Variants in NPC1 observed in about 807,000 individuals in gnomAD.
NPC1 encodes Niemann-Pick C1 protein.
Under a neutral mutation model 140.4 loss-of-function variants are expected in NPC1, and 85 were observed. That is an observed-to-expected ratio of 0.61 (90% CI 0.51 to 0.72). The LOEUF is 0.72. Among genes scored for constraint, NPC1 ranks in the 30% least tolerant of loss-of-function variants. The probability of loss-of-function intolerance (pLI) is 0.00; values close to 1 mark genes in which losing one functional copy is unlikely to be tolerated. For synonymous variants in NPC1, 656 were observed against 624.8 expected (o/e 1.05, Z -0.74); for missense variants, 1,504 against 1,623.8 (o/e 0.93, Z 1.27).
intron 21 of NPC1, among the ~76,000 whole-genome samples, 176 bp downstream of exon 21, chr18:23,536,497 A>G (rs1415426016): frequency 6.6e-6 from 1 of 152,142 alleles, no homozygotes; most frequent in Non-Finnish European, 1.5e-5. Context: ...GAGACTTTAG[A>G]TTCTGAACTC....
At chr18:23,517,083 A>AT (rs1206212740) in intron 3 of NPC1, among the ~76,000 whole-genome samples, 5 of 152,068 alleles carry the variant, frequency 3.3e-5, no homozygotes, top group Admixed American at 6.6e-5. Context: ...AAGAAAATAG[A>AT]TTAAGATTTT....
chr18:23,574,723 T>C (rs1019254877), intron 1 of NPC1, among the ~76,000 whole-genome samples: 1 of 152,248 alleles, frequency 6.6e-6, no homozygotes, highest in Non-Finnish European at 1.5e-5. Context: ...TAACTCCTCT[T>C]GACTCTTTGA....
At chr18:23,523,342 T>C (rs549562257) in intron 1 of NPC1, among the ~76,000 whole-genome samples, 1 of 152,042 alleles carries the variant, frequency 6.6e-6, no homozygotes, top group East Asian at 1.9e-4. Flanking sequence ...ATGTGAGGTT[T>C]TGGGGGTCTG....
intron 4 of NPC1, among the ~76,000 whole-genome samples, chr18:23,564,956 C>T (rs1333947284): frequency 6.6e-6 from 1 of 152,174 alleles, no homozygotes; most frequent in Non-Finnish European, 1.5e-5. Context: ...TTGAATGGCC[C>T]TGGCACCCTT....
intron 3 of NPC1, among the ~76,000 whole-genome samples, chr18:23,516,829 G>A (rs2058020687): frequency 6.7e-6 from 1 of 150,336 alleles, no homozygotes; most frequent in African/African-American, 2.4e-5. Context: ...AGGCTCAAAC[G>A]ATTCTTCTGC....
rs751365149 is a variant in NPC1 at position 23,536,675 on chromosome 18, G to C, written c.3243C>G (p.Tyr1081Ter). ...CATTGAAAAAGGGCAGGCTTTACCTGTAAGGAAATACTCGGTAGGCACTGC... is the reference window on the plus strand; with the variant it reads ...CATTGAAAAAGGGCAGGCTTTACCTCTAAGGAAATACTCGGTAGGCACTGC... ...INGSAYRVFP[Y>*]SVFYVFYEQY... Residue 1081 changes from tyrosine to a stop codon, truncating the protein, a stop_gained and splice_region_variant, in exon 21 of 25, where the codon TAC (tyrosine) becomes TAG (stop). Coordinates refer to ENST00000269228, the MANE Select transcript of NPC1 (RefSeq NM_000271.5). LOFTEE classifies it high-confidence loss of function. The C allele has an allele frequency of 1.9e-6, 3 of 1,613,554 alleles. No homozygotes were observed. Among genetic ancestry groups the C allele is most frequent in the East Asian group, 2.2e-5 (1 of 44,878 alleles).
At chr18:23,573,362 C>A in intron 2 of NPC1, 90 bp downstream of exon 2, 1 of 1,570,440 alleles carries the variant, frequency 6.4e-7, no homozygotes, top group Non-Finnish European at 8.8e-7. Flanking sequence ...CTCATCTCCA[C>A]CTCCACCCTG....
intron 23 of NPC1, 94 bp from the exon 24 acceptor site, chr18:23,533,611 A>C: frequency 8.1e-7 from 1 of 1,238,646 alleles, no homozygotes; most frequent in Non-Finnish European, 1.2e-6. Context: ...GGTTCAAGTG[A>C]TTCTCCTGCC....
chr18:23,538,347 C>T (rs948438430), intron 20 of NPC1, among the ~76,000 whole-genome samples, 195 bp downstream of exon 20: 2 of 152,198 alleles, frequency 1.3e-5, no homozygotes, highest in Admixed American at 6.5e-5. Flanking sequence ...CACGCTAAGA[C>T]AGAATCAGTT....
intron 16 of NPC1, 74 bp from the exon 17 acceptor site, chr18:23,540,611 C>A: frequency 1.8e-6 from 2 of 1,123,904 alleles, no homozygotes; most frequent in Non-Finnish European, 1.3e-6. Flanking sequence ...AAATCTTAAG[C>A]ACACACAAAA....
At chr18:23,548,981 A>T (rs1239467868) in intron 10 of NPC1, among the ~76,000 whole-genome samples, 2 of 151,880 alleles carry the variant, frequency 1.3e-5, no homozygotes, top group Non-Finnish European at 2.9e-5. Context: ...TAGAGATGGG[A>T]TTTTGTCATG....
downstream of NPC1, chr18:23,530,072 C>T (rs777522623): frequency 3.7e-6 from 6 of 1,614,114 alleles, no homozygotes; most frequent in South Asian, 5.5e-5. Flanking sequence ...TCCAGCACAA[C>T]CTCTTTTATA....
chr18:23,534,416 T>G, intron 23 of NPC1, 30 bp downstream of exon 23: 1 of 1,444,840 alleles, frequency 6.9e-7, no homozygotes, highest in Non-Finnish European at 9.7e-7. Context: ...GGTGCGACTC[T>G]GCCGGCGTGG....
chr18:23,507,469 G>A (rs2057744937), intron 3 of NPC1, among the ~76,000 whole-genome samples: 1 of 152,108 alleles, frequency 6.6e-6, no homozygotes, highest in Non-Finnish European at 1.5e-5. Flanking sequence ...GGTATTTTTG[G>A]CTACTTTGTG....
At chr18:23,510,417 GT>G (rs1264146827) in intron 3 of NPC1, among the ~76,000 whole-genome samples, 1 of 152,060 alleles carries the variant, frequency 6.6e-6, no homozygotes, top group East Asian at 1.9e-4. Context: ...GGAGACCGAG[GT>G]GGGCAGATCA....
intron 3 of NPC1, among the ~76,000 whole-genome samples, chr18:23,516,782 G>C (rs1484270994): frequency 6.7e-6 from 1 of 149,878 alleles, no homozygotes; most frequent in Non-Finnish European, 1.5e-5. Context: ...CTGGAGTGCA[G>C]TGGTGCAGTG....
At chr18:23,574,351 G>T (rs2059244881) in intron 1 of NPC1, among the ~76,000 whole-genome samples, 1 of 152,034 alleles carries the variant, frequency 6.6e-6, no homozygotes, top group African/African-American at 2.4e-5. Context: ...GGCCCAGCTT[G>T]CCAGGGCCCC....
chr18:23,521,859 T>C (rs1370277126), downstream of NPC1, among the ~76,000 whole-genome samples: 1 of 152,230 alleles, frequency 6.6e-6, no homozygotes, highest in African/African-American at 2.4e-5. Context: ...GTCTTTCTTC[T>C]GTGCCTGTCC....
intron 22 of NPC1, among the ~76,000 whole-genome samples, 159 bp from the exon 23 acceptor site, chr18:23,534,718 T>TA (rs2058600154): frequency 1.3e-5 from 2 of 152,262 alleles, no homozygotes; most frequent in South Asian, 4.1e-4. Flanking sequence ...ACACCAATCT[T>TA]ACTGTACCAG....
Sources: gnomAD v4.1 joint callset for allele counts (sites outside exome capture counted in the v4.1 genomes callset) on GRCh38, gnomAD v4.1.1 for gene constraint, MANE v1.5 for transcripts, NCBI Gene and HGNC (gene_info 2026-07-23, HGNC 2026-07-21) for gene names.